DTNB: variants seen among roughly 807,000 people sequenced by gnomAD.
DTNB encodes DTN-B.
A neutral mutation model predicts 90.7 loss-of-function variants in DTNB; 63 were observed. The observed-to-expected ratio is 0.69, with a 90% confidence interval of 0.57 to 0.86. The LOEUF is 0.86. DTNB is among the 40% of genes least tolerant of loss of function. The pLI is 0.00. For synonymous variants in DTNB, 277 were observed against 286.7 expected, an observed-to-expected ratio of 0.97 and a Z score of 0.34; for missense variants, 744 against 807.1, an observed-to-expected ratio of 0.92 and a Z score of 0.95.
Position 25,427,586 on chromosome 2 carries a change from C to T in DTNB, c.1503G>A (p.Glu501=), listed in dbSNP as rs756914598. 5 of 1,613,688 alleles carry T rather than the reference C, an allele frequency of 3.1e-6. No homozygotes were observed. Among genetic ancestry groups the T allele is most frequent in the Admixed American group, 1.7e-5 (1 of 60,000 alleles). ...ELEQRMSALQ[E]SRRELMVQLE... is the part of the protein sequence containing the mutation. The stretch of plus-strand genomic sequence containing the variant: ...GCTGGACCATCAGCTCCCGCCTGCT[C>T]TCCTGCAGGGCCGACATCCTCTGCT... The change falls in exon 15 of 21, where the codon GAG becomes GAA. Residue 501 remains glutamate (E), a synonymous_variant. Coordinates refer to ENST00000406818, the MANE Select transcript of DTNB (RefSeq NM_021907.5).
intron 2 of DTNB, among the ~76,000 whole-genome samples, chr2:25,641,673 C>T (rs895218234): frequency 1.3e-5 from 2 of 152,020 alleles, no homozygotes; most frequent in East Asian, 1.9e-4. Flanking sequence ...ACTGTGCTTT[C>T]GTGAAAAAGG....
chr2:25,486,697 T>C (rs2066256690), intron 9 of DTNB, among the ~76,000 whole-genome samples: 1 of 151,320 alleles, frequency 6.6e-6, no homozygotes, highest in African/African-American at 2.4e-5. Flanking sequence ...ATACAAAACC[T>C]TCATGGTTCT....
At chr2:25,627,414 CA>C (rs577607502) in intron 4 of DTNB, among the ~76,000 whole-genome samples, 19 of 141,834 alleles carry the variant, frequency 1.3e-4, no homozygotes, top group Admixed American at 2.1e-4. Flanking sequence ...AACTCCATCT[CA>C]AAAAAAAAAG....
chr2:25,381,775 G>C (rs778114892), intron 19 of DTNB, among the ~76,000 whole-genome samples: 4 of 152,332 alleles, frequency 2.6e-5, no homozygotes, highest in African/African-American at 7.2e-5. Flanking sequence ...CTCACTAGAC[G>C]ATTTCAGAAT....
chr2:25,632,930 A>T (rs910561439), intron 3 of DTNB, among the ~76,000 whole-genome samples: 1 of 152,216 alleles, frequency 6.6e-6, no homozygotes, highest in African/African-American at 2.4e-5. Flanking sequence ...TCATTTCTGT[A>T]GTACTTGAGG....
At chr2:25,658,374 T>C (rs912365565) in intron 1 of DTNB, among the ~76,000 whole-genome samples, 1 of 152,182 alleles carries the variant, frequency 6.6e-6, no homozygotes, top group Non-Finnish European at 1.5e-5. Context: ...CAGTTTCTTA[T>C]AAAGCTAATC....
At chr2:25,549,785 C>T (rs975763598) in intron 8 of DTNB, among the ~76,000 whole-genome samples, 1 of 152,024 alleles carries the variant, frequency 6.6e-6, no homozygotes, top group Admixed American at 6.6e-5. Context: ...CTCAGCCTGC[C>T]AAGTAGCTGG....
At chr2:25,545,707 C>T (rs574483675) in intron 8 of DTNB, among the ~76,000 whole-genome samples, 12 of 152,248 alleles carry the variant, frequency 7.9e-5, no homozygotes, top group South Asian at 6.2e-4. Context: ...CTGCAGCCTC[C>T]GCCTCCCGGG....
chr2:25,583,324 G>C (rs1303727024), intron 6 of DTNB, among the ~76,000 whole-genome samples: 2 of 149,148 alleles, frequency 1.3e-5, no homozygotes, highest in Non-Finnish European at 3.0e-5. Flanking sequence ...ACTGATAGAA[G>C]ATGCTAGAAA....
chr2:25,394,071 G>A (rs377407431), intron 16 of DTNB, among the ~76,000 whole-genome samples: 1 of 152,050 alleles, frequency 6.6e-6, no homozygotes, highest in South Asian at 2.1e-4. Context: ...GAACACAATA[G>A]GGAACCCAGA....
chr2:25,588,237 A>G (rs994713485), intron 6 of DTNB, among the ~76,000 whole-genome samples: 1 of 152,090 alleles, frequency 6.6e-6, no homozygotes, highest in African/African-American at 2.4e-5. Flanking sequence ...GCAAAATAAT[A>G]TGGAATTCCT....
intron 2 of DTNB, among the ~76,000 whole-genome samples, chr2:25,640,647 C>T (rs1055087027): frequency 7.2e-5 from 11 of 152,156 alleles, no homozygotes; most frequent in African/African-American, 2.7e-4. Flanking sequence ...CAGTAGCTCA[C>T]ACCTGTAATC....
chr2:25,500,768 C>T (rs2070410202), intron 9 of DTNB, among the ~76,000 whole-genome samples: 1 of 152,058 alleles, frequency 6.6e-6, no homozygotes, highest in African/African-American at 2.4e-5. Context: ...TAAATTAATG[C>T]ATAATTAATG....
chr2:25,572,328 G>A (rs192178124), intron 8 of DTNB, among the ~76,000 whole-genome samples: 3 of 152,226 alleles, frequency 2.0e-5, no homozygotes, highest in South Asian at 2.1e-4. Flanking sequence ...TTAGCCAGGC[G>A]TGGTGGTGGG....
chr2:25,596,579 A>G (rs2064692986), intron 5 of DTNB: 2 of 177,296 alleles, frequency 1.1e-5, no homozygotes, highest in South Asian at 1.3e-4. Flanking sequence ...GCAGCAGCAT[A>G]TCTTTATCTC....
intron 10 of DTNB, among the ~76,000 whole-genome samples, chr2:25,475,879 GA>G (rs2063645974): frequency 6.6e-6 from 1 of 152,094 alleles, no homozygotes; most frequent in South Asian, 2.1e-4. Flanking sequence ...ACGGTTTAAT[GA>G]ATATTTTAAG....
At chr2:25,497,901 C>A in intron 9 of DTNB, among the ~76,000 whole-genome samples, 1 of 152,170 alleles carries the variant, frequency 6.6e-6, no homozygotes, top group East Asian at 1.9e-4. Flanking sequence ...GTCCAGGGAA[C>A]CTTTCTATTG....
intron 10 of DTNB, among the ~76,000 whole-genome samples, chr2:25,472,883 T>C (rs1338334752): frequency 6.6e-6 from 1 of 152,146 alleles, no homozygotes; most frequent in African/African-American, 2.4e-5. Context: ...TGAAACTCCA[T>C]CCCTAAATAA....
chr2:25,667,548 C>G (rs1574264813), intron 1 of DTNB, among the ~76,000 whole-genome samples: 3 of 152,062 alleles, frequency 2.0e-5, no homozygotes, highest in Admixed American at 1.3e-4. Flanking sequence ...GCAAGAAAGA[C>G]AGCCAACAAA....
Sources: allele counts gnomAD v4.1 joint callset (sites outside exome capture counted in the v4.1 genomes callset), GRCh38; gene constraint gnomAD v4.1.1; transcripts MANE v1.5; gene names NCBI Gene and HGNC (gene_info 2026-07-23, HGNC 2026-07-21).